The following RBMS3 variants were observed in gnomAD, a reference collection of about 807,000 sequenced individuals.
RBMS3 encodes the protein RNA-binding motif, single-stranded-interacting protein 3.
RBMS3 carries 27 observed loss-of-function variants against 66.8 expected under a neutral mutation model. The observed-to-expected ratio is 0.40, with a 90% CI of 0.30 to 0.56. RBMS3 has a LOEUF of 0.56. Ranked by LOEUF, RBMS3 falls within the 20% of genes least tolerant of loss-of-function variation. The pLI is 0.40. For missense variants in RBMS3, 513 were observed against 549.5 expected (o/e 0.93, Z 0.66); for synonymous variants, 188 against 183.0 (o/e 1.03, Z -0.22).
At chr3:29,576,866 C>T (rs1191124407) in intron 3 of RBMS3, among the ~76,000 whole-genome samples, 5 of 152,186 alleles carry the variant, frequency 3.3e-5, no homozygotes, top group African/African-American at 2.4e-5. Flanking sequence ...CTGAGACTCA[C>T]CCTTCTGAGA....
chr3:29,637,378 T>A (rs1341856300), intron 4 of RBMS3, among the ~76,000 whole-genome samples: 1 of 151,820 alleles, frequency 6.6e-6, no homozygotes, highest in Non-Finnish European at 1.5e-5. Context: ...AGCAGCCAAG[T>A]TAATTTGGTT....
chr3:29,851,177 T>C (rs721770), intron 6 of RBMS3, among the ~76,000 whole-genome samples: 55,515 of 152,056 alleles, frequency 0.37, 10,337 homozygotes, highest in Non-Finnish European at 0.4. Context: ...GTCTTTTGGC[T>C]GTCCCTTTTA....
At chr3:29,637,723 T>A (rs1219632408) in intron 4 of RBMS3, among the ~76,000 whole-genome samples, 2 of 151,938 alleles carry the variant, frequency 1.3e-5, no homozygotes, top group Non-Finnish European at 2.9e-5. Context: ...GTCCCTCATT[T>A]CCTCATTATG....
intron 7 of RBMS3, among the ~76,000 whole-genome samples, chr3:29,882,177 A>C (rs2059752270): frequency 6.6e-6 from 1 of 152,086 alleles, no homozygotes; most frequent in Admixed American, 6.6e-5. Flanking sequence ...AGTTTCAGCT[A>C]AGTCCTAGAC....
At chr3:29,805,311 A>G (rs555990676) in intron 6 of RBMS3, among the ~76,000 whole-genome samples, 1 of 152,218 alleles carries the variant, frequency 6.6e-6, no homozygotes, top group African/African-American at 2.4e-5. Context: ...TGTACAGTCC[A>G]TAATACTTGA....
chr3:29,482,152 A>T (rs2043148549), intron 2 of RBMS3, among the ~76,000 whole-genome samples: 1 of 152,216 alleles, frequency 6.6e-6, no homozygotes, highest in South Asian at 2.1e-4. Flanking sequence ...CAGTTGTAGA[A>T]GGTACTCAGA....
intron 3 of RBMS3, among the ~76,000 whole-genome samples, chr3:29,541,060 C>A (rs1444671126): frequency 6.6e-6 from 1 of 152,130 alleles, no homozygotes; most frequent in Non-Finnish European, 1.5e-5. Context: ...GTGCCTCACA[C>A]GGATGTGAAG....
chr3:29,476,089 C>T (rs2042938380), intron 2 of RBMS3, among the ~76,000 whole-genome samples: 1 of 152,150 alleles, frequency 6.6e-6, no homozygotes, highest in African/African-American at 2.4e-5. Flanking sequence ...GGAGTGTGCA[C>T]ACCTGCAGTA....
chr3:29,500,431 A>G (rs2043924540), intron 3 of RBMS3, among the ~76,000 whole-genome samples: 1 of 148,698 alleles, frequency 6.7e-6, no homozygotes, highest in South Asian at 2.1e-4. Flanking sequence ...ATATATATAT[A>G]ATTTTATTAT....
chr3:29,977,117 C>A (rs1231168797), intron 12 of RBMS3, among the ~76,000 whole-genome samples: 3 of 152,052 alleles, frequency 2.0e-5, no homozygotes. Flanking sequence ...TTTGATGCGA[C>A]CTGAAAAACT....
intron 6 of RBMS3, among the ~76,000 whole-genome samples, chr3:29,826,595 A>G (rs985831201): frequency 6.6e-6 from 1 of 152,150 alleles, no homozygotes; most frequent in African/African-American, 2.4e-5. Context: ...CCTTAGGTTA[A>G]AAGCCTGAAA....
intron 1 of RBMS3, among the ~76,000 whole-genome samples, chr3:29,419,898 C>T (rs1473171869): frequency 6.6e-6 from 1 of 152,128 alleles, no homozygotes; most frequent in East Asian, 1.9e-4. Flanking sequence ...TTTAAGAAGG[C>T]AGTTTGTATC....
At chr3:29,949,420 G>A (rs1252696932) in intron 12 of RBMS3, among the ~76,000 whole-genome samples, 1 of 151,738 alleles carries the variant, frequency 6.6e-6, no homozygotes, top group Non-Finnish European at 1.5e-5. Flanking sequence ...TTTCATTAAA[G>A]CTTTATATGC....
chr3:29,831,536 A>G (rs1235978293), intron 6 of RBMS3, among the ~76,000 whole-genome samples: 2 of 152,258 alleles, frequency 1.3e-5, no homozygotes, highest in Middle Eastern at 3.4e-3. Flanking sequence ...GAAATGTAAA[A>G]CCCAAGAAAA....
At chr3:29,580,682 T>TATAATAATAATA (rs5847581) in intron 3 of RBMS3, among the ~76,000 whole-genome samples, 33 of 147,672 alleles carry the variant, frequency 2.2e-4, no homozygotes, top group African/African-American at 7.9e-4. Flanking sequence ...AATTTAATAA[T>TATAATAATAATA]ATAATAATAA....
intron 4 of RBMS3, among the ~76,000 whole-genome samples, chr3:29,636,952 C>G (rs2049497650): frequency 6.6e-6 from 1 of 151,840 alleles, no homozygotes; most frequent in Admixed American, 6.6e-5. Context: ...AACTAAGCAT[C>G]AGGCAACATA....
intron 1 of RBMS3, among the ~76,000 whole-genome samples, chr3:29,294,663 A>G (rs2033094846): frequency 6.6e-6 from 1 of 151,734 alleles, no homozygotes; most frequent in Non-Finnish European, 1.5e-5. Flanking sequence ...CAAGAATATC[A>G]GCCCTTATAT....
At chr3:29,824,876 A>G (rs904006046) in intron 6 of RBMS3, among the ~76,000 whole-genome samples, 2 of 152,140 alleles carry the variant, frequency 1.3e-5, no homozygotes, top group African/African-American at 2.4e-5. Context: ...ACATCAAATA[A>G]TGTATGATTA....
At chr3:29,863,884 G>A (rs371459593) in intron 6 of RBMS3, among the ~76,000 whole-genome samples, 6 of 151,974 alleles carry the variant, frequency 3.9e-5, no homozygotes, top group East Asian at 3.9e-4. Context: ...TATGCCAGTC[G>A]GTAGAAGAAA....
Sources: gnomAD v4.1 joint callset for allele counts (sites outside exome capture counted in the v4.1 genomes callset) on GRCh38, gnomAD v4.1.1 for gene constraint, MANE v1.5 for transcripts, NCBI Gene and HGNC (gene_info 2026-07-23, HGNC 2026-07-21) for gene names.